Variants in NTRK3 observed in about 807,000 individuals in gnomAD.
NTRK3 encodes neurotrophic receptor tyrosine kinase 3.
In NTRK3, 24 loss-of-function variants were observed where a neutral mutation model predicts 91.7. The observed-to-expected ratio is 0.26, with a 90% CI of 0.19 to 0.37. NTRK3 has a LOEUF of 0.37. Ranked by LOEUF, NTRK3 falls within the 10% of genes least tolerant of loss-of-function variation. The pLI, the probability that NTRK3 is intolerant of heterozygous loss-of-function variation, is 1.00. For synonymous variants in NTRK3, 483 were observed against 404.0 expected, an observed-to-expected ratio of 1.20 and a Z score of -2.34; for missense variants, 880 against 1,068.9, an observed-to-expected ratio of 0.82 and a Z score of 2.46.
intron 13 of NTRK3, among the ~76,000 whole-genome samples, chr15:88,069,468 G>A (rs1441926045): frequency 2.6e-5 from 4 of 152,220 alleles, no homozygotes; most frequent in Non-Finnish European, 4.4e-5. Flanking sequence ...TTCCAAGGAT[G>A]ATGCAGCGGT....
intron 14 of NTRK3, among the ~76,000 whole-genome samples, chr15:88,031,664 G>A (rs2078548809): frequency 6.6e-6 from 1 of 152,148 alleles, no homozygotes; most frequent in Non-Finnish European, 1.5e-5. Flanking sequence ...ACCTTATGCT[G>A]ACTCAAGCCC....
At chr15:87,914,158 C>T (rs943177558) in intron 17 of NTRK3, among the ~76,000 whole-genome samples, 4 of 152,084 alleles carry the variant, frequency 2.6e-5, no homozygotes, top group Admixed American at 1.3e-4. Context: ...ACATTATGAT[C>T]CAGCTTCCCA....
chr15:87,910,315 G>A (rs917370002), intron 17 of NTRK3, among the ~76,000 whole-genome samples: 9 of 152,270 alleles, frequency 5.9e-5, no homozygotes, highest in Admixed American at 5.2e-4. Flanking sequence ...CTGCCAACGT[G>A]CAAAGAAAAA....
Position 88,025,493 on chromosome 15 carries a change from A to T in NTRK3, c.1585+7364T>A, listed in dbSNP as rs899927376. Among the ~76,000 whole-genome samples, 11 of 152,326 alleles carry T rather than the reference A, an allele frequency of 7.2e-5. 1 individual carries two copies. The East Asian group carries it at 9.6e-4, about 13-fold the overall frequency. On this transcript the variant is annotated intron_variant, in intron 14 of 18. Coordinates refer to ENST00000394480, the Ensembl canonical transcript of NTRK3. ...TGTGATTACTTAAGTGAGGATAAGG[A>T]TGGGCCCCTAAAACTATATGTCTGG...
chr15:88,001,161 A>C (rs1181020891), intron 14 of NTRK3, among the ~76,000 whole-genome samples: 1 of 152,128 alleles, frequency 6.6e-6, no homozygotes, highest in African/African-American at 2.4e-5. Flanking sequence ...AGAAATGTCT[A>C]TTCAAACCAT....
chr15:87,939,852 G>C (rs979722796), intron 15 of NTRK3, among the ~76,000 whole-genome samples: 1 of 152,114 alleles, frequency 6.6e-6, no homozygotes, highest in African/African-American at 2.4e-5. Flanking sequence ...GTCCAATATT[G>C]GTTTACAAAG....
intron 3 of NTRK3, among the ~76,000 whole-genome samples, chr15:88,249,375 A>G (rs2053142557): frequency 6.6e-6 from 1 of 152,176 alleles, no homozygotes; most frequent in African/African-American, 2.4e-5. Context: ...ATTTGGAAAC[A>G]TTGCCTCAGA....
chr15:87,944,410 G>C (rs980997763), intron 14 of NTRK3, among the ~76,000 whole-genome samples: 2 of 152,216 alleles, frequency 1.3e-5, no homozygotes, highest in African/African-American at 4.8e-5. Context: ...AACACCTACT[G>C]TGTGTTCAAC....
intron 5 of NTRK3, among the ~76,000 whole-genome samples, chr15:88,164,127 A>C (rs2044713512): frequency 6.6e-6 from 1 of 152,202 alleles, no homozygotes; most frequent in South Asian, 2.1e-4. Context: ...CTCCATTTCC[A>C]GAGGAATCCA....
intron 14 of NTRK3, among the ~76,000 whole-genome samples, chr15:87,941,395 T>C (rs1201127888): frequency 3.3e-5 from 5 of 152,058 alleles, no homozygotes; most frequent in African/African-American, 4.8e-5. Context: ...ATAATCCATA[T>C]AAAGAGCTTG....
At chr15:87,883,038 G>T (rs1291811364) in intron 17 of NTRK3, among the ~76,000 whole-genome samples, 1 of 151,492 alleles carries the variant, frequency 6.6e-6, no homozygotes, top group African/African-American at 2.4e-5. Context: ...ATTGAAAATG[G>T]AAGAGTGCTA....
intron 3 of NTRK3, among the ~76,000 whole-genome samples, chr15:88,187,293 A>G (rs1213284459): frequency 3.3e-5 from 5 of 152,214 alleles, no homozygotes. Flanking sequence ...CAAGGAGTGC[A>G]TAGATGCCAC....
intron 17 of NTRK3, among the ~76,000 whole-genome samples, chr15:87,884,918 G>A (rs1320649956): frequency 1.4e-4 from 21 of 151,666 alleles, no homozygotes; most frequent in Non-Finnish European, 1.5e-5. Flanking sequence ...TTTTCAAGAG[G>A]TCCTAACCAA....
chr15:88,161,964 C>CAGAGCAAAATGGA (rs1169662988), intron 5 of NTRK3, among the ~76,000 whole-genome samples: 1 of 152,130 alleles, frequency 6.6e-6, no homozygotes, highest in African/African-American at 2.4e-5. Flanking sequence ...CTGTGTACAT[C>CAGAGCAAAATGGA]AGAGCAAAAT....
chr15:87,974,953 G>A (rs946994828), intron 14 of NTRK3, among the ~76,000 whole-genome samples: 27 of 152,050 alleles, frequency 1.8e-4, no homozygotes, highest in African/African-American at 5.8e-4. Flanking sequence ...GCTACTTTAG[G>A]GGGCTGCAGA....
intron 14 of NTRK3, among the ~76,000 whole-genome samples, chr15:88,001,282 T>A (rs1229621516): frequency 6.6e-6 from 1 of 152,186 alleles, no homozygotes; most frequent in East Asian, 1.9e-4. Flanking sequence ...TACCATTCAG[T>A]GGGTTGCCTC....
chr15:88,230,207 A>G (rs928490453), intron 3 of NTRK3, among the ~76,000 whole-genome samples: 3 of 152,210 alleles, frequency 2.0e-5, no homozygotes, highest in Admixed American at 6.5e-5. Context: ...TGCTCAGCAC[A>G]TAGCACCCAA....
Position 88,146,233 on chromosome 15 carries a change from T to C in NTRK3, c.464+1102A>G, listed in dbSNP as rs77033246. Among the ~76,000 whole-genome samples the C allele has an allele frequency of 8.0e-3, 1,223 of 152,280 alleles. 19 individuals are homozygous for C. Among genetic ancestry groups the C allele is most frequent in the Non-Finnish European group, 9.7e-3 (663 of 68,014 alleles). On this transcript the variant is annotated intron_variant, in intron 6 of 18. Coordinates refer to ENST00000394480, the Ensembl canonical transcript of NTRK3. ...ATGGGGTGATAGGCTACTGGGATGC[T>C]TGATGTAAAGCATCAAGAGCTGGGT... is the stretch of plus-strand genomic sequence containing the variant.
chr15:88,143,388 G>A (rs998452140), intron 6 of NTRK3, among the ~76,000 whole-genome samples: 5 of 152,238 alleles, frequency 3.3e-5, no homozygotes, highest in African/African-American at 1.2e-4. Flanking sequence ...TTCTCCCGCA[G>A]AGCCTTTGAA....
Sources: gnomAD v4.1 joint callset for allele counts (sites outside exome capture counted in the v4.1 genomes callset) on GRCh38, gnomAD v4.1.1 for gene constraint, MANE v1.5 for transcripts, NCBI Gene and HGNC (gene_info 2026-07-23, HGNC 2026-07-21) for gene names.